The following DENND2B variants were observed in gnomAD, a reference collection of about 807,000 sequenced individuals.
DENND2B encodes the protein DENN domain containing 2B, also known as DENN domain-containing protein 2B.
Under a neutral mutation model 116.0 loss-of-function variants are expected in DENND2B, and 32 were observed. The ratio of observed to expected loss-of-function variants is 0.28; its 90% confidence interval spans 0.21 to 0.37. DENND2B has a LOEUF of 0.37. DENND2B is among the 10% of genes least tolerant of loss of function. The pLI is 1.00. For missense variants in DENND2B, 1,276 were observed against 1,477.7 expected (o/e 0.86, Z 2.24); for synonymous variants, 588 against 583.9 (o/e 1.01, Z -0.10).
chr11:8,800,847 T>C (rs1018289509), intron 1 of DENND2B, among the ~76,000 whole-genome samples: 2 of 152,128 alleles, frequency 1.3e-5, no homozygotes, highest in African/African-American at 2.4e-5. Context: ...TAAGGAGCTA[T>C]TCATTCTCTT....
At chr11:8,856,115 A>G (rs1420485964) in intron 3 of DENND2B, among the ~76,000 whole-genome samples, 1 of 152,240 alleles carries the variant, frequency 6.6e-6, no homozygotes, top group Non-Finnish European at 1.5e-5. Flanking sequence ...GTTTGGGGCT[A>G]AAAGAGCTTA....
intron 1 of DENND2B, among the ~76,000 whole-genome samples, chr11:8,909,556 G>A (rs142648701): frequency 6.6e-6 from 1 of 152,288 alleles, no homozygotes; most frequent in Non-Finnish European, 1.5e-5. Context: ...CAACCACTAT[G>A]TTCTAAAGGA....
Position 8,730,186 on chromosome 11 carries a change from G to T in DENND2B, c.1104C>A (p.Ser368Arg). Residue 368 changes from serine to arginine, a missense_variant, in exon 3 of 20, where the codon AGC (serine) becomes AGA (arginine). Coordinates refer to ENST00000313726, the MANE Select transcript of DENND2B (RefSeq NM_213618.2). The surrounding 1 kb of genome is among the most constrained non-coding windows in gnomAD (Gnocchi z 4.1). ...TCGATGGCAGCCGCTGGGAGCTAGG[G>T]CTATTTCCAGGGGTCCCGGGCTTAG... ...GSTKPGTPGNSPSSQRLPSKS... is the reference protein window; with the variant it reads ...GSTKPGTPGNRPSSQRLPSKS... The T allele has an allele frequency of 1.9e-6, 3 of 1,613,956 alleles. No homozygotes were observed. Among genetic ancestry groups the T allele is most frequent in the Non-Finnish European group, 2.5e-6 (3 of 1,179,898 alleles).
At chr11:8,820,566 T>C (rs1040735797) in intron 4 of DENND2B, among the ~76,000 whole-genome samples, 3 of 152,198 alleles carry the variant, frequency 2.0e-5, no homozygotes, top group African/African-American at 7.2e-5. Flanking sequence ...ATGTTTTACA[T>C]TGTAATCTAG....
At chr11:8,790,878 C>T (rs1001977690) in intron 1 of DENND2B, among the ~76,000 whole-genome samples, 1 of 152,134 alleles carries the variant, frequency 6.6e-6, no homozygotes, top group Non-Finnish European at 1.5e-5. Context: ...TTTCTGAGTT[C>T]GCAAGTTCAC....
chr11:8,822,906 A>C (rs1410147999), intron 4 of DENND2B, among the ~76,000 whole-genome samples: 1 of 152,244 alleles, frequency 6.6e-6, no homozygotes, highest in Non-Finnish European at 1.5e-5. Context: ...AAAACTCCAG[A>C]AAAGAATATA....
At chr11:8,820,203 G>C (rs1314433023) in intron 4 of DENND2B, among the ~76,000 whole-genome samples, 1 of 152,024 alleles carries the variant, frequency 6.6e-6, no homozygotes, top group Non-Finnish European at 1.5e-5. Flanking sequence ...ATATTACTTG[G>C]GGGTAAAATT....
At chr11:8,839,977 T>C (rs897398600) in intron 3 of DENND2B, among the ~76,000 whole-genome samples, 3 of 151,604 alleles carry the variant, frequency 2.0e-5, no homozygotes, top group African/African-American at 4.8e-5. Context: ...AGACAAGGAG[T>C]TAAGCTAAGG....
At chr11:8,834,657 A>G (rs2062348769) in intron 4 of DENND2B, among the ~76,000 whole-genome samples, 1 of 152,202 alleles carries the variant, frequency 6.6e-6, no homozygotes, top group Non-Finnish European at 1.5e-5. Context: ...CCTTGGAAGC[A>G]CTTTTCTTCC....
intron 1 of DENND2B, chr11:8,774,072 C>T (rs1258190622): frequency 2.0e-6 from 2 of 979,350 alleles, no homozygotes; most frequent in East Asian, 1.1e-4. Flanking sequence ...GTTCCAACCA[C>T]GAAGTGCTGT....
chr11:8,827,660 G>C (rs187425338), intron 4 of DENND2B, among the ~76,000 whole-genome samples: 42 of 152,324 alleles, frequency 2.8e-4, no homozygotes, highest in African/African-American at 9.9e-4. Flanking sequence ...AGAGTTGTCA[G>C]AGGCTTAGAG....
chr11:8,714,856 G>C (rs985260607), intron 6 of DENND2B, 150 bp from the exon 7 acceptor site: 5 of 631,060 alleles, frequency 7.9e-6, no homozygotes, highest in East Asian at 5.7e-5. Context: ...CTGCAGAACC[G>C]ACCTCAAGTG....
chr11:8,720,979 C>T (rs1323527982), intron 4 of DENND2B, among the ~76,000 whole-genome samples: 4 of 152,182 alleles, frequency 2.6e-5, no homozygotes, highest in Non-Finnish European at 5.9e-5. Context: ...TTTCTACCTG[C>T]ATTCCTGCCC....
intron 4 of DENND2B, among the ~76,000 whole-genome samples, chr11:8,823,638 A>G (rs2061851753): frequency 6.6e-6 from 1 of 152,120 alleles, no homozygotes; most frequent in Admixed American, 6.5e-5. Flanking sequence ...GCTTACACTC[A>G]TTCTCTCTCC....
intron 4 of DENND2B, chr11:8,718,974 G>A (rs1439760367): frequency 2.0e-6 from 2 of 987,100 alleles, no homozygotes; most frequent in Non-Finnish European, 2.4e-6. Context: ...AGCCCTCTCT[G>A]CACCCCTTTC....
chr11:8,698,071 G>A (rs995199938), intron 16 of DENND2B: 2 of 315,634 alleles, frequency 6.3e-6, no homozygotes, highest in African/African-American at 2.2e-5. Flanking sequence ...GCCCAGGCAG[G>A]TCGAGGCTGC....
At chr11:8,785,664 C>A (rs2058835843) in intron 1 of DENND2B, 1 of 152,218 alleles carries the variant, frequency 6.6e-6, no homozygotes, top group South Asian at 2.1e-4. Flanking sequence ...AGGGCAACTC[C>A]TGCCTAGCAT....
intron 1 of DENND2B, among the ~76,000 whole-genome samples, chr11:8,754,029 G>GCGCGCGCGCGCACACACACACACACA (rs146486674): frequency 7.2e-6 from 1 of 138,734 alleles, no homozygotes; most frequent in African/African-American, 2.7e-5. Context: ...CCAAAAGCGC[G>GCGCGCGCGCGCACACACACACACACA]CACACACACA....
At chr11:8,869,562 T>C (rs1453690751) in intron 2 of DENND2B, among the ~76,000 whole-genome samples, 2 of 151,564 alleles carry the variant, frequency 1.3e-5, no homozygotes, top group Non-Finnish European at 2.9e-5. Context: ...CTCGGGAGGC[T>C]GAGGCAGGAG....
Sources: allele counts gnomAD v4.1 joint callset (sites outside exome capture counted in the v4.1 genomes callset), GRCh38; gene constraint gnomAD v4.1.1; non-coding constraint Gnocchi (gnomAD v3.1); transcripts MANE v1.5; gene names NCBI Gene and HGNC (gene_info 2026-07-23, HGNC 2026-07-21).